Variants in XKR6 observed in about 807,000 individuals in gnomAD.
XKR6 encodes the protein XK-related protein 6.
A neutral mutation model predicts 56.7 loss-of-function variants in XKR6; 22 were observed. The ratio of observed to expected loss-of-function variants is 0.39; its 90% CI spans 0.28 to 0.55. The LOEUF (loss-of-function observed/expected upper bound fraction) is 0.55. Among genes scored for constraint, XKR6 ranks in the 20% least tolerant of loss-of-function variants. The probability of loss-of-function intolerance (pLI) is 0.66; values close to 1 mark genes in which losing one functional copy is unlikely to be tolerated. For synonymous variants in XKR6, 524 were observed against 387.8 expected, an observed-to-expected ratio of 1.35 and a Z score of -4.13; for missense variants, 852 against 889.0, an observed-to-expected ratio of 0.96 and a Z score of 0.53.
At chr8:11,023,396 T>G (rs1798790196) in intron 1 of XKR6, among the ~76,000 whole-genome samples, 1 of 152,172 alleles carries the variant, frequency 6.6e-6, no homozygotes. Context: ...GCCTTCTGAG[T>G]AGCTGGAACT....
intron 1 of XKR6, among the ~76,000 whole-genome samples, chr8:11,114,694 A>G (rs574139114): frequency 6.6e-6 from 1 of 151,790 alleles, no homozygotes; most frequent in South Asian, 2.1e-4. Context: ...AAATTTAACA[A>G]TATTTTAATG....
At chr8:11,118,374 G>A (rs1799281924) in intron 1 of XKR6, among the ~76,000 whole-genome samples, 1 of 152,212 alleles carries the variant, frequency 6.6e-6, no homozygotes, top group South Asian at 2.1e-4. Context: ...AATAGTTTCA[G>A]AAGGAATGGT....
intron 1 of XKR6, among the ~76,000 whole-genome samples, chr8:10,975,471 C>T (rs577909927): frequency 2.0e-5 from 3 of 152,274 alleles, no homozygotes; most frequent in South Asian, 2.1e-4. Context: ...GCCAGAGCCA[C>T]GTGCTTGCCC....
intron 1 of XKR6, among the ~76,000 whole-genome samples, chr8:11,005,030 C>T (rs957735922): frequency 2.0e-5 from 3 of 152,040 alleles, no homozygotes; most frequent in Admixed American, 1.3e-4. Flanking sequence ...TGGTACAGTC[C>T]CTCTGCAACC....
At chr8:11,096,664 G>A (rs775307766) in intron 1 of XKR6, among the ~76,000 whole-genome samples, 18 of 152,314 alleles carry the variant, frequency 1.2e-4, no homozygotes, top group South Asian at 2.1e-4. Context: ...AGAGTCAAAG[G>A]CCCCCATGAG....
chr8:11,106,946 C>A (rs1798701410), intron 1 of XKR6, among the ~76,000 whole-genome samples: 1 of 151,900 alleles, frequency 6.6e-6, no homozygotes, highest in Non-Finnish European at 1.5e-5. Flanking sequence ...TATTCTACTT[C>A]CCCACAAGAA....
intron 1 of XKR6, among the ~76,000 whole-genome samples, chr8:11,152,090 G>A (rs1801297720): frequency 6.6e-6 from 1 of 152,088 alleles, no homozygotes; most frequent in Non-Finnish European, 1.5e-5. Flanking sequence ...AGGTACACAG[G>A]ATTTTGCTAA....
chr8:11,058,304 C>T (rs1799737629), intron 1 of XKR6, among the ~76,000 whole-genome samples: 1 of 152,054 alleles, frequency 6.6e-6, no homozygotes, highest in South Asian at 2.1e-4. Flanking sequence ...TGCCATTTGA[C>T]CCAGCAATCC....
Position 10,898,162 on chromosome 8 carries a change from G to C in XKR6, c.1716C>G (p.Thr572=). 6.2e-7 allele frequency: 1 copy of C among 1,614,076 alleles called. No homozygotes were observed. Among genetic ancestry groups the C allele is most frequent in the Non-Finnish European group, 8.5e-7 (1 of 1,179,970 alleles). ...VFQVRPMGPP[T]PLGRPYLPEG... is the part of the protein sequence containing the mutation. ...CTGGGAGGTAAGGACGCCCCAACGG[G>C]GTAGGGGGCCCCATGGGTCTCACTT... The change falls in exon 3 of 3, where the codon ACC becomes ACG. Residue 572 remains threonine, a synonymous_variant. Coordinates refer to ENST00000416569, the MANE Select transcript of XKR6 (RefSeq NM_173683.4). The surrounding 1 kb of genome is among the most constrained non-coding windows in gnomAD (Gnocchi z 6.6).
rs112608466 is a variant in XKR6, at chr8:10,989,325, A to G, written c.765-64495T>C. ...TAATTCCTTTCGTTGAATTGTCTGT[A>G]AGAAAACAAGACAGCCAGAAGGGCC... On this transcript the variant is annotated intron_variant, in intron 1 of 2. Coordinates refer to ENST00000416569, the MANE Select transcript of XKR6 (RefSeq NM_173683.4). Among the ~76,000 whole-genome samples the G allele has an allele frequency of 9.6e-3, 1,456 of 152,350 alleles. 22 individuals are homozygous for G. Among genetic ancestry groups the G allele is most frequent in the African/African-American group, 0.034 (1,406 of 41,576 alleles).
At chr8:11,100,807 T>C (rs960192095) in intron 1 of XKR6, among the ~76,000 whole-genome samples, 1 of 152,218 alleles carries the variant, frequency 6.6e-6, no homozygotes, top group Non-Finnish European at 1.5e-5. Context: ...GGCTATGATT[T>C]GTCCCAATCA....
intron 1 of XKR6, among the ~76,000 whole-genome samples, chr8:10,971,087 A>G (rs557260737): frequency 1.1e-3 from 165 of 151,468 alleles, no homozygotes; most frequent in Non-Finnish European, 1.5e-3. Flanking sequence ...GTTTTTAAAA[A>G]TTCTGTATTC....
At chr8:11,065,882 C>T (rs1234296134) in intron 1 of XKR6, among the ~76,000 whole-genome samples, 4 of 152,180 alleles carry the variant, frequency 2.6e-5, no homozygotes, top group African/African-American at 9.6e-5. Flanking sequence ...GCCCCATAAA[C>T]ATGGCAATGT....
chr8:11,093,974 G>C (rs1188034781), intron 1 of XKR6, among the ~76,000 whole-genome samples: 1 of 151,912 alleles, frequency 6.6e-6, no homozygotes, highest in Non-Finnish European at 1.5e-5. Flanking sequence ...TAGTAGAGAT[G>C]GGGGTTTCAC....
intron 1 of XKR6, among the ~76,000 whole-genome samples, chr8:11,034,282 G>C (rs1295343125): frequency 6.6e-6 from 1 of 152,188 alleles, no homozygotes; most frequent in Non-Finnish European, 1.5e-5. Flanking sequence ...ACGGCATGGA[G>C]GAGCCAGCAC....
chr8:10,903,853 G>A (rs551836902), intron 2 of XKR6, among the ~76,000 whole-genome samples: 26 of 152,308 alleles, frequency 1.7e-4, no homozygotes, highest in African/African-American at 4.3e-4. Context: ...AGCCACCGCC[G>A]AGTGATTCAT....
intron 1 of XKR6, among the ~76,000 whole-genome samples, chr8:11,036,839 C>T (rs1266784558): frequency 6.6e-6 from 1 of 152,260 alleles, no homozygotes; most frequent in Non-Finnish European, 1.5e-5. Flanking sequence ...CATGTCCGAA[C>T]TCCCTGGAAG....
intron 1 of XKR6, among the ~76,000 whole-genome samples, chr8:11,013,313 T>C (rs1313356014): frequency 3.3e-5 from 5 of 152,114 alleles, no homozygotes; most frequent in African/African-American, 1.2e-4. Context: ...GGTTTCTCCT[T>C]TAAGGAGAGG....
chr8:11,170,480 AAATGTCCAGACTAGGC>A (rs1802311878), intron 1 of XKR6, among the ~76,000 whole-genome samples: 1 of 152,220 alleles, frequency 6.6e-6, no homozygotes, highest in African/African-American at 2.4e-5. Context: ...CTCATTAATG[AAATGTCCAGACTAGGC>A]AACTCTACAG....
Sources: gnomAD v4.1 joint callset for allele counts (sites outside exome capture counted in the v4.1 genomes callset) on GRCh38, gnomAD v4.1.1 for gene constraint, Gnocchi (gnomAD v3.1) non-coding constraint, MANE v1.5 for transcripts, NCBI Gene and HGNC (gene_info 2026-07-23, HGNC 2026-07-21) for gene names.